Variants in FLNB observed in about 807,000 individuals in gnomAD.
The protein encoded by FLNB is filamin-B.
A neutral mutation model predicts 250.6 loss-of-function variants in FLNB; 111 were observed. The observed-to-expected ratio is 0.44, with a 90% CI of 0.38 to 0.52. FLNB has a LOEUF of 0.52. Among genes scored for constraint, FLNB ranks in the 20% least tolerant of loss-of-function variants. The pLI, the probability that FLNB is intolerant of heterozygous loss-of-function variation, is 0.00. For synonymous variants in FLNB, 1,302 were observed against 1,372.1 expected, an observed-to-expected ratio of 0.95 and a Z score of 1.13; for missense variants, 2,869 against 3,447.8, an observed-to-expected ratio of 0.83 and a Z score of 4.20.
chr3:58,053,458 A>G (rs746999485), intron 1 of FLNB, among the ~76,000 whole-genome samples: 6 of 152,166 alleles, frequency 3.9e-5, no homozygotes, highest in Non-Finnish European at 8.8e-5. Context: ...AGCAAAAACA[A>G]AACATTTATT....
chr3:58,119,340 A>G (rs1235893937), intron 19 of FLNB, among the ~76,000 whole-genome samples: 1 of 152,186 alleles, frequency 6.6e-6, no homozygotes, highest in African/African-American at 2.4e-5. Flanking sequence ...CATTAAAAAG[A>G]GAATTTGGGC....
At chr3:58,080,075 T>C (rs995778190) in intron 3 of FLNB, among the ~76,000 whole-genome samples, 9 of 152,190 alleles carry the variant, frequency 5.9e-5, no homozygotes, top group Admixed American at 1.3e-4. Context: ...GATGTTGGCA[T>C]GGGTGAAGTT....
intron 18 of FLNB, 54 bp from the exon 19 acceptor site, chr3:58,118,818 C>A: frequency 7.4e-7 from 1 of 1,344,964 alleles, no homozygotes; most frequent in Non-Finnish European, 1.1e-6. Context: ...ATTTTAAATG[C>A]CAAGTTAGCT....
chr3:58,067,434 CA>C (rs1665204620), intron 1 of FLNB, among the ~76,000 whole-genome samples: 1 of 152,110 alleles, frequency 6.6e-6, no homozygotes, highest in African/African-American at 2.4e-5. Flanking sequence ...GAAATCCAGC[CA>C]ACTTCGGCCC....
chr3:58,141,706 C>T (rs976187014), intron 29 of FLNB, 152 bp from the exon 30 acceptor site: 3 of 755,736 alleles, frequency 4.0e-6, no homozygotes, highest in Admixed American at 4.2e-5. Flanking sequence ...CAACTGCCTT[C>T]CAAAAGGGCA....
Position 58,145,989 on chromosome 3 carries a change from G to A in FLNB, c.5494G>A (p.Val1832Met), listed in dbSNP as rs747963108. 1.9e-6 allele frequency: 3 copies of A among 1,614,008 alleles called. No homozygotes were observed. The highest frequency in any genetic ancestry group is 2.5e-6 in the Non-Finnish European group (3 of 1,179,976). The change falls in exon 33 of 46, where the codon GTG becomes ATG. Residue 1832 changes from valine (V) to methionine (M), a missense_variant. Transcript: ENST00000295956. ...TGTTTCTGCATACGGTCCAGGCCTC[G>A]TGTATGGAGTGGCCAACAAAACTGC... is the stretch of plus-strand genomic sequence containing the variant. Reference protein sequence around the residue: ...GSVSAYGPGLVYGVANKTATF... With the variant: ...GSVSAYGPGLMYGVANKTATF...
intron 1 of FLNB, among the ~76,000 whole-genome samples, chr3:58,049,239 C>T (rs2097158585): frequency 6.6e-6 from 1 of 151,986 alleles, no homozygotes; most frequent in African/African-American, 2.4e-5. Flanking sequence ...CTTCCAAGCC[C>T]ACGTCCCACC....
chr3:58,125,802 A>G (rs962620211), intron 23 of FLNB, 59 bp downstream of exon 23: 7 of 1,508,684 alleles, frequency 4.6e-6, no homozygotes, highest in Non-Finnish European at 6.4e-6. Flanking sequence ...GATTCTACCT[A>G]TGTGTCATGG....
intron 1 of FLNB, among the ~76,000 whole-genome samples, chr3:58,049,713 G>A (rs986962468): frequency 6.6e-5 from 10 of 152,144 alleles, no homozygotes; most frequent in Admixed American, 5.9e-4. Flanking sequence ...TACACTGTTG[G>A]CCCAATGCCC....
intron 1 of FLNB, among the ~76,000 whole-genome samples, chr3:58,073,176 T>TTTATTTATTTACTTAC (rs879445920): frequency 7.2e-5 from 11 of 151,802 alleles, no homozygotes; most frequent in South Asian, 4.2e-4. Context: ...TATTTATTTA[T>TTTATTTATTTACTTAC]TTACTTATTT....
chr3:58,018,542 G>T (rs1419580195), intron 1 of FLNB, among the ~76,000 whole-genome samples: 3 of 149,604 alleles, frequency 2.0e-5, no homozygotes, highest in African/African-American at 4.9e-5. Flanking sequence ...TTAAGACAGG[G>T]TCTCACTCTG....
At chr3:58,080,082 A>G (rs1439134945) in intron 3 of FLNB, among the ~76,000 whole-genome samples, 1 of 152,176 alleles carries the variant, frequency 6.6e-6, no homozygotes, top group African/African-American at 2.4e-5. Flanking sequence ...GCATGGGTGA[A>G]GTTGTTGAAG....
rs751910217 is a variant in FLNB, at chr3:58,098,664, T to C, written c.1148-47T>C. 8.8e-6 allele frequency: 14 copies of C among 1,597,222 alleles called. No individual in the cohort carries two copies. The East Asian group carries it at 3.1e-4, about 36-fold the overall frequency. On this transcript the variant is annotated intron_variant, in intron 7 of 45. Coordinates refer to ENST00000295956, the MANE Select transcript of FLNB (RefSeq NM_001457.4). The stretch of plus-strand genomic sequence containing the variant: ...CATTTTGCACTCAGCAGCAGTGAGC[T>C]TTCAGAGAGGGTGACTTGGGCTCAT...
At chr3:58,147,696 A>G (rs777540687) in intron 34 of FLNB, among the ~76,000 whole-genome samples, 12 of 152,184 alleles carry the variant, frequency 7.9e-5, no homozygotes, top group Admixed American at 3.3e-4. Context: ...GTCTCACTCT[A>G]TCACCCAGGC....
At chr3:58,022,916 C>G (rs917291922) in intron 1 of FLNB, among the ~76,000 whole-genome samples, 1 of 151,796 alleles carries the variant, frequency 6.6e-6, no homozygotes, top group African/African-American at 2.4e-5. Context: ...CTCCTGGGTT[C>G]AAGCGATTCT....
chr3:58,011,265 C>T (rs1312544776), intron 1 of FLNB, among the ~76,000 whole-genome samples: 3 of 152,128 alleles, frequency 2.0e-5, no homozygotes, highest in African/African-American at 7.2e-5. Flanking sequence ...CCCATTGTCC[C>T]GACGTTCCAG....
chr3:58,022,209 TAATA>T (rs1283996409), intron 1 of FLNB, among the ~76,000 whole-genome samples: 2 of 152,202 alleles, frequency 1.3e-5, no homozygotes, highest in African/African-American at 4.8e-5. Context: ...AATAGGAATT[TAATA>T]AATAACTTGT....
At chr3:58,082,069 G>A (rs566572447) in intron 4 of FLNB, among the ~76,000 whole-genome samples, 43 of 152,072 alleles carry the variant, frequency 2.8e-4, no homozygotes, top group Non-Finnish European at 5.4e-4. Flanking sequence ...GTAGGGAGTC[G>A]GGGGAGTTTG....
intron 13 of FLNB, 92 bp from the exon 14 acceptor site, chr3:58,109,087 G>A (rs997212978): frequency 6.7e-7 from 1 of 1,499,802 alleles, no homozygotes; most frequent in South Asian, 1.1e-5. Flanking sequence ...ATAAGCAAGT[G>A]GTGACTTGGC....
Sources: gnomAD v4.1 joint callset for allele counts (sites outside exome capture counted in the v4.1 genomes callset) on GRCh38, gnomAD v4.1.1 for gene constraint, MANE v1.5 for transcripts, NCBI Gene and HGNC (gene_info 2026-07-23, HGNC 2026-07-21) for gene names.